Variants in PDCD7 observed in about 807,000 individuals in gnomAD.
The protein encoded by PDCD7 is programmed cell death 7, also known as programmed cell death protein 7.
Under a neutral mutation model 42.1 loss-of-function variants are expected in PDCD7, and 40 were observed. The ratio of observed to expected loss-of-function variants is 0.95; its 90% CI spans 0.74 to 1.24. The LOEUF (loss-of-function observed/expected upper bound fraction) is 1.24, where lower values mean the gene tolerates loss of function less well. PDCD7 is among the 50% of genes most tolerant of loss of function. The pLI is 0.00. For synonymous variants in PDCD7, 299 were observed against 303.3 expected, an observed-to-expected ratio of 0.99 and a Z score of 0.15; for missense variants, 644 against 662.8, an observed-to-expected ratio of 0.97 and a Z score of 0.31.
rs2087425239 is a variant in PDCD7 at position 65,118,591 on chromosome 15, T to G, written c.*126A>C. On this transcript the variant is annotated 3_prime_UTR_variant, in exon 5 of 5. Coordinates refer to ENST00000204549, the MANE Select transcript of PDCD7 (RefSeq NM_005707.2). Reference sequence around the variant, plus strand: ...CAGAGCACAGAAGGAAAGCATAACTTCAGGGTAGGGGAATGCCACATGGAA... The same window carrying G: ...CAGAGCACAGAAGGAAAGCATAACTGCAGGGTAGGGGAATGCCACATGGAA... The G allele has an allele frequency of 2.1e-6, 2 of 967,766 alleles. No individual in the cohort carries two copies. The highest frequency in any genetic ancestry group is 2.9e-6 in the Non-Finnish European group (2 of 685,522). 59.9% of individuals were successfully genotyped at this position (967,766 alleles called of 1,614,324 possible). A position where few individuals can be genotyped will look rare whatever the true frequency, so the allele number is the denominator to read the frequency against.
rs946663066 is a variant in PDCD7, at chr15:65,117,443, A to C, written c.*1274T>G. On this transcript the variant is annotated 3_prime_UTR_variant, in exon 5 of 5. Transcript: ENST00000204549. The stretch of plus-strand genomic sequence containing the variant: ...ATAACAAAATAATTGGCAAAAACCA[A>C]ACCAAAACAGAACCAAAAAAATGAC... 3.3e-5 allele frequency: 5 copies of C among 152,388 alleles called. No homozygotes were observed. The highest frequency in any genetic ancestry group is 1.2e-4 in the African/African-American group (5 of 41,472). The allele number at this position is 152,388 out of a possible 1,614,324, so 9.4% of individuals were successfully genotyped here. A position where few individuals can be genotyped will look rare whatever the true frequency, so the allele number is the denominator to read the frequency against.
At chr15:65,124,238 G>A (rs1280318889) in intron 2 of PDCD7, among the ~76,000 whole-genome samples, 3 of 151,800 alleles carry the variant, frequency 2.0e-5, no homozygotes, top group Admixed American at 6.6e-5. Context: ...CCTGACCAAC[G>A]TGGTGAAACC....
Position 65,119,446 on chromosome 15 carries a change from G to C in PDCD7, c.1264C>G (p.His422Asp), listed in dbSNP as rs1403142503. 6.2e-7 allele frequency: 1 copy of C among 1,613,062 alleles called. No individual in the cohort carries two copies. The highest frequency in any genetic ancestry group is 1.3e-5 in the African/African-American group (1 of 75,018). ...TACTGTCGGAAAGGCTCCAAGAGGT[G>C]AGCAAGTGGGAACTCATCTGAAAGA... Reference protein sequence around the residue: ...FGDPDEFPLAHLLEPFRQYYL... With the variant: ...FGDPDEFPLADLLEPFRQYYL... Residue 422 changes from histidine to aspartate, a missense_variant, in exon 4 of 5, where the codon CAC becomes GAC. Transcript: ENST00000204549.
intron 2 of PDCD7, among the ~76,000 whole-genome samples, chr15:65,126,949 T>A (rs941002589): frequency 6.6e-6 from 1 of 152,150 alleles, no homozygotes; most frequent in Non-Finnish European, 1.5e-5. Flanking sequence ...TTGAGAATTA[T>A]TCACTAATAA....
chr15:65,119,787 G>A lies in PDCD7; in HGVS notation c.1177C>T (p.Gln393Ter), dbSNP rs752778059. The A allele has an allele frequency of 2.5e-6, 4 of 1,611,672 alleles. No individual in the cohort carries two copies. The change falls in exon 3 of 5, where the codon CAA becomes TAA. Residue 393 changes from glutamine to a stop codon, truncating the protein, a stop_gained. Transcript: ENST00000204549. LOFTEE classifies it high-confidence loss of function. ...EERKRELEKKQRKEKEKILLQ... is the reference protein window; with the variant it reads ...EERKRELEKK ...AAAATTTTCTCTTTTTCTTTTCTTTGTTTCTTTTCTAATTCTCTTTTCCTC... is the reference window on the plus strand; with the variant it reads ...AAAATTTTCTCTTTTTCTTTTCTTTATTTCTTTTCTAATTCTCTTTTCCTC...
Position 65,118,541 on chromosome 15 carries a change from A to G in PDCD7, c.*176T>C, listed in dbSNP as rs994750817. 1.8e-6 allele frequency: 1 copy of G among 543,174 alleles called. No homozygotes were observed. The highest frequency in any genetic ancestry group is 2.9e-6 in the Non-Finnish European group (1 of 345,926). 33.6% of individuals were successfully genotyped at this position (543,174 alleles called of 1,614,324 possible). On this transcript the variant is annotated 3_prime_UTR_variant, in exon 5 of 5. Coordinates refer to ENST00000204549, the MANE Select transcript of PDCD7 (RefSeq NM_005707.2). ...TTTCCTGAAAAACCACATTAATCTG[A>G]TTCAAGAGGCACCTCTGGCCAGCAC...
rs990491589 is a variant in PDCD7, at chr15:65,133,514, G to A, written c.268C>T (p.Pro90Ser). 2.9e-5 allele frequency: 35 copies of A among 1,227,258 alleles called. No individual in the cohort carries two copies. The highest frequency in any genetic ancestry group is 3.6e-5 in the Non-Finnish European group (35 of 985,262). The allele number at this position is 1,227,258 out of a possible 1,614,324, so 76.0% of individuals were successfully genotyped here. ...FYPVPPPPLP[P>S]PPPQCRPFPG... ...AAGGGCCGACACTGGGGCGGCGGAG[G>A]AGGCAGCGGCGGTGGTGGCACCGGG... The change falls in exon 1 of 5, where the codon CCT (proline) becomes TCT (serine). Residue 90 changes from proline (P) to serine (S), a missense_variant. By Grantham distance (74) the Pro-to-Ser change is moderately conservative. Coordinates refer to ENST00000204549, the MANE Select transcript of PDCD7 (RefSeq NM_005707.2).
rs1202400465 is a variant in PDCD7 at position 65,117,869 on chromosome 15, A to G, written c.*848T>C. 1 of 152,094 alleles carries G rather than the reference A, an allele frequency of 6.6e-6. No individual in the cohort carries two copies. Among genetic ancestry groups the G allele is most frequent in the African/African-American group, 2.4e-5 (1 of 41,402 alleles). The allele number at this position is 152,094 out of a possible 1,614,324, so 9.4% of individuals were successfully genotyped here. ...TATTTTTATTTGCTTTTTCCCCTAG[A>G]TTTGACTACATGGATAGTTTTAGAA... On this transcript the variant is annotated 3_prime_UTR_variant, in exon 5 of 5. Transcript: ENST00000204549.
At chr15:65,125,670 A>G (rs1014290592) in intron 2 of PDCD7, among the ~76,000 whole-genome samples, 1 of 152,186 alleles carries the variant, frequency 6.6e-6, no homozygotes, top group Non-Finnish European at 1.5e-5. Flanking sequence ...AGTACTTTAC[A>G]CATATTTATT....
At chr15:65,124,318 T>C (rs1444284197) in intron 2 of PDCD7, among the ~76,000 whole-genome samples, 4 of 151,334 alleles carry the variant, frequency 2.6e-5, no homozygotes, top group Middle Eastern at 3.2e-3. Flanking sequence ...TCAGCTACTC[T>C]GGAGGCTGAG....
In PDCD7 at chr15:65,133,078, G is replaced by A. The variant is rs779927760; in HGVS notation, c.704C>T (p.Ala235Val). 1 of 1,572,306 alleles carries A rather than the reference G, an allele frequency of 6.4e-7. No homozygotes were observed. The highest frequency in any genetic ancestry group is 8.6e-7 in the Non-Finnish European group (1 of 1,165,684). The stretch of plus-strand genomic sequence containing the variant: ...CCGGACCCTCTCCAGCCTCCTCCGC[G>A]CCTCGCCCACATAGGCAGCCTGGGT... The part of the protein sequence containing the change: ...PLTQAAYVGE[A>V]RRRLERVRRR... The change falls in exon 1 of 5, where the codon GCG (alanine) becomes GTG (valine). Residue 235 changes from alanine (A) to valine (V), a missense_variant. Ala to Val is a moderately conservative substitution (Grantham distance 64). Transcript: ENST00000204549.
At chr15:65,129,748 CT>C (rs1056840161) in intron 1 of PDCD7, among the ~76,000 whole-genome samples, 2 of 152,174 alleles carry the variant, frequency 1.3e-5, no homozygotes, top group African/African-American at 4.8e-5. Context: ...TCATAAGACT[CT>C]GTCACCAATA....
intron 2 of PDCD7, among the ~76,000 whole-genome samples, chr15:65,122,280 G>GAGCCAA (rs2087461803): frequency 6.6e-6 from 1 of 151,976 alleles, no homozygotes; most frequent in Non-Finnish European, 1.5e-5. Flanking sequence ...AGGCTGCAGT[G>GAGCCAA]AGCCAAGATC....
At chr15:65,119,301 A>C (rs1045210241) in intron 4 of PDCD7, 75 bp downstream of exon 4, 1 of 959,542 alleles carries the variant, frequency 1.0e-6, no homozygotes, top group African/African-American at 1.6e-5. Flanking sequence ...TAATAGACCT[A>C]AACAATGTAA....
rs2087561048 is a variant in PDCD7, at chr15:65,133,469, C to T, written c.313G>A (p.Glu105Lys). ...CRPFPGTDAG[E>K]RPRPPPPGPG... ...CCGGGAGGCGGTGGCCGCGGCCGCT[C>T]GCCGGCGTCGGTCCCCGGGAAGGGC... The change falls in exon 1 of 5, where the codon GAG becomes AAG. Residue 105 changes from glutamate to lysine, a missense_variant. Glu to Lys is a moderately conservative substitution (Grantham distance 56). Coordinates refer to ENST00000204549, the MANE Select transcript of PDCD7 (RefSeq NM_005707.2). The T allele has an allele frequency of 6.6e-6, 8 of 1,214,810 alleles. No individual in the cohort carries two copies. In the South Asian group the frequency reaches 1.2e-4, roughly 19 times the overall value. The allele number at this position is 1,214,810 out of a possible 1,614,324, so 75.3% of individuals were successfully genotyped here. A position where few individuals can be genotyped will look rare whatever the true frequency, so the allele number is the denominator to read the frequency against.
rs2087565420 is a variant in PDCD7 at position 65,133,773 on chromosome 15, C to A, written c.9G>T (p.Leu3=). 1 of 1,354,786 alleles carries A rather than the reference C, an allele frequency of 7.4e-7. No homozygotes were observed. The highest frequency in any genetic ancestry group is 3.7e-5 in the Admixed American group (1 of 26,714). The allele number at this position is 1,354,786 out of a possible 1,614,324, so 83.9% of individuals were successfully genotyped here. The change falls in exon 1 of 5, where the codon CTG becomes CTT. Residue 3 remains leucine, a synonymous_variant. Transcript: ENST00000204549. The stretch of plus-strand genomic sequence containing the variant: ...GGCGACCCTGGCCGAAGAATGGTGG[C>A]AGGGCCATGTTCACGACGGAGATGC... MA[L]PPFFGQGRPG...
chr15:65,126,675 G>T (rs2087498741), intron 2 of PDCD7, among the ~76,000 whole-genome samples: 1 of 151,480 alleles, frequency 6.6e-6, no homozygotes, highest in African/African-American at 2.4e-5. Context: ...GATCGCTCCT[G>T]CCTGGGAGTA....
At chr15:65,124,939 AC>A (rs1425915670) in intron 2 of PDCD7, among the ~76,000 whole-genome samples, 1 of 151,852 alleles carries the variant, frequency 6.6e-6, no homozygotes, top group African/African-American at 2.4e-5. Context: ...GACCCATAGC[AC>A]CCCCTGCAAC....
chr15:65,125,083 G>C (rs2087485377), intron 2 of PDCD7, among the ~76,000 whole-genome samples: 1 of 152,154 alleles, frequency 6.6e-6, no homozygotes, highest in African/African-American at 2.4e-5. Flanking sequence ...AGAGAAAACA[G>C]GCCAGCAGAC....
Sources: allele counts gnomAD v4.1 joint callset (sites outside exome capture counted in the v4.1 genomes callset), GRCh38; gene constraint gnomAD v4.1.1; transcripts MANE v1.5; gene names NCBI Gene and HGNC (gene_info 2026-07-23, HGNC 2026-07-21).